The following CADM2 variants were observed in gnomAD, a reference collection of about 807,000 sequenced individuals.
The protein encoded by CADM2 is immunoglobulin superfamily member 4D.
Under a neutral mutation model 49.8 loss-of-function variants are expected in CADM2, and 12 were observed. That is an observed-to-expected ratio of 0.24 (90% CI 0.15 to 0.39). The LOEUF (loss-of-function observed/expected upper bound fraction) is 0.39, where lower values mean the gene tolerates loss of function less well. Ranked by LOEUF, CADM2 falls within the 10% of genes least tolerant of loss-of-function variation. CADM2 has a pLI of 1.00. For synonymous variants in CADM2, 214 were observed against 175.4 expected (o/e 1.22, Z -1.74); for missense variants, 378 against 492.3 (o/e 0.77, Z 2.20).
At chr3:85,601,599 GC>G (rs1288455096) in intron 1 of CADM2, among the ~76,000 whole-genome samples, 3 of 151,196 alleles carry the variant, frequency 2.0e-5, no homozygotes, top group Admixed American at 6.6e-5. Flanking sequence ...TCTTTACTCA[GC>G]TTTTTCTTTT....
At chr3:85,884,409 G>A (rs1338918420) in intron 4 of CADM2, among the ~76,000 whole-genome samples, 1 of 152,094 alleles carries the variant, frequency 6.6e-6, no homozygotes, top group African/African-American at 2.4e-5. Flanking sequence ...GTGACACTGG[G>A]ACTATTTTAT....
chr3:85,254,157 A>T (rs1385069457), intron 1 of CADM2, among the ~76,000 whole-genome samples: 3 of 152,040 alleles, frequency 2.0e-5, no homozygotes, highest in African/African-American at 7.2e-5. Flanking sequence ...ACTCAGGGTA[A>T]TATTTACTTA....
At chr3:85,648,453 G>A (rs1458213458) in intron 1 of CADM2, among the ~76,000 whole-genome samples, 3 of 151,886 alleles carry the variant, frequency 2.0e-5, no homozygotes, top group Non-Finnish European at 2.9e-5. Context: ...TTAATGCAAT[G>A]CAAAGGAAAT....
intron 2 of CADM2, among the ~76,000 whole-genome samples, chr3:85,751,807 C>T (rs1162152358): frequency 6.6e-6 from 1 of 152,086 alleles, no homozygotes; most frequent in Non-Finnish European, 1.5e-5. Context: ...ATTCTGTTTG[C>T]TTTTATTTTA....
At chr3:85,040,241 C>G (rs2035383146) in intron 1 of CADM2, among the ~76,000 whole-genome samples, 1 of 152,106 alleles carries the variant, frequency 6.6e-6, no homozygotes, top group Admixed American at 6.6e-5. Flanking sequence ...ATCACTAAAC[C>G]TATAAAGACC....
At chr3:85,135,370 T>G (rs1198699640) in intron 1 of CADM2, among the ~76,000 whole-genome samples, 1 of 152,080 alleles carries the variant, frequency 6.6e-6, no homozygotes, top group African/African-American at 2.4e-5. Context: ...TATATAATTA[T>G]GCTGTTATAT....
At chr3:85,321,048 A>G (rs2044585068) in intron 1 of CADM2, among the ~76,000 whole-genome samples, 1 of 144,654 alleles carries the variant, frequency 6.9e-6, no homozygotes, top group African/African-American at 2.5e-5. Context: ...TAGATTAAAA[A>G]TAAAAACTAT....
intron 1 of CADM2, among the ~76,000 whole-genome samples, chr3:85,689,585 A>T (rs949405413): frequency 4.6e-5 from 7 of 152,244 alleles, no homozygotes; most frequent in Non-Finnish European, 8.8e-5. Flanking sequence ...GTGCAGAAAG[A>T]CAAGTTAGGG....
intron 7 of CADM2, among the ~76,000 whole-genome samples, chr3:85,943,131 T>A (rs1294389696): frequency 1.3e-5 from 2 of 151,630 alleles, no homozygotes; most frequent in Non-Finnish European, 2.9e-5. Flanking sequence ...CATAAATGTC[T>A]TCTTTTGAGA....
chr3:85,311,679 T>A (rs1311592285), intron 1 of CADM2, among the ~76,000 whole-genome samples: 1 of 152,108 alleles, frequency 6.6e-6, no homozygotes, highest in Non-Finnish European at 1.5e-5. Context: ...CCCGGCCGCA[T>A]CATTTTTATT....
intron 5 of CADM2, among the ~76,000 whole-genome samples, chr3:85,906,059 C>T (rs2108462403): frequency 6.6e-6 from 1 of 152,196 alleles, no homozygotes; most frequent in East Asian, 1.9e-4. Flanking sequence ...GTCACACTTG[C>T]CTGCTGCTAC....
At chr3:85,963,283 T>C (rs1379263008) in intron 8 of CADM2, among the ~76,000 whole-genome samples, 1 of 151,946 alleles carries the variant, frequency 6.6e-6, no homozygotes, top group Non-Finnish European at 1.5e-5. Context: ...TGTACAAAAT[T>C]CAACTTTGGA....
intron 3 of CADM2, among the ~76,000 whole-genome samples, chr3:85,825,981 T>A (rs2108208088): frequency 6.6e-6 from 1 of 152,170 alleles, no homozygotes; most frequent in Non-Finnish European, 1.5e-5. Flanking sequence ...ATTTTGAGTA[T>A]AAACTATTTC....
intron 1 of CADM2, among the ~76,000 whole-genome samples, chr3:85,693,460 G>A (rs2066449367): frequency 6.7e-6 from 1 of 149,644 alleles, no homozygotes; most frequent in Non-Finnish European, 1.5e-5. Flanking sequence ...GGCGCCTGTA[G>A]TCCCAGCAAC....
chr3:85,890,169 G>A (rs972363521), intron 5 of CADM2, among the ~76,000 whole-genome samples: 3 of 151,992 alleles, frequency 2.0e-5, no homozygotes, highest in Non-Finnish European at 2.9e-5. Context: ...AAAGGGGAAA[G>A]AGCAAGCAGG....
chr3:85,014,565 G>A (rs2034160807), intron 1 of CADM2, among the ~76,000 whole-genome samples: 1 of 152,144 alleles, frequency 6.6e-6, no homozygotes, highest in African/African-American at 2.4e-5. Flanking sequence ...AATGAGAGGA[G>A]ACTAGTGTAC....
intron 1 of CADM2, among the ~76,000 whole-genome samples, chr3:85,439,357 T>C (rs913427711): frequency 6.6e-5 from 10 of 151,862 alleles, no homozygotes; most frequent in Non-Finnish European, 1.3e-4. Context: ...TTCACCATGT[T>C]GTCCAGGCTG....
At chr3:85,444,686 A>T (rs780731744) in intron 1 of CADM2, among the ~76,000 whole-genome samples, 1 of 152,182 alleles carries the variant, frequency 6.6e-6, no homozygotes, top group Non-Finnish European at 1.5e-5. Context: ...GTCAACATAT[A>T]ACATACACTT....
chr3:85,235,598 G>T (rs2042390790), intron 1 of CADM2, among the ~76,000 whole-genome samples: 1 of 151,900 alleles, frequency 6.6e-6, no homozygotes, highest in Non-Finnish European at 1.5e-5. Flanking sequence ...ACATTGTTTT[G>T]TTAATCTAGA....
Sources: gnomAD v4.1 joint callset for allele counts (sites outside exome capture counted in the v4.1 genomes callset) on GRCh38, gnomAD v4.1.1 for gene constraint, MANE v1.5 for transcripts, NCBI Gene and HGNC (gene_info 2026-07-23, HGNC 2026-07-21) for gene names.